The following ADK variants were observed in gnomAD, a reference collection of about 807,000 sequenced individuals.
ADK encodes N6,N6-dimethyladenosine kinase.
Under a neutral mutation model 44.7 loss-of-function variants are expected in ADK, and 24 were observed. The observed-to-expected ratio is 0.54, with a 90% CI of 0.39 to 0.76. ADK has a LOEUF of 0.76. Ranked by LOEUF, ADK falls within the 30% of genes least tolerant of loss-of-function variation. ADK has a pLI of 0.00. For missense variants in ADK, 321 were observed against 425.1 expected (o/e 0.76, Z 2.15); for synonymous variants, 128 against 142.6 (o/e 0.90, Z 0.73).
chr10:74,405,013 T>G (rs1027795225), intron 6 of ADK, among the ~76,000 whole-genome samples: 2 of 152,220 alleles, frequency 1.3e-5, no homozygotes, highest in African/African-American at 4.8e-5. Flanking sequence ...CTGACCCTTT[T>G]ATGCCACTTG....
chr10:74,557,394 CA>C (rs1850297192), intron 7 of ADK, among the ~76,000 whole-genome samples: 1 of 152,044 alleles, frequency 6.6e-6, no homozygotes, highest in Admixed American at 6.6e-5. Flanking sequence ...TAATTTGCAA[CA>C]AAGTAGAATA....
At chr10:74,533,945 TA>T (rs1849371807) in intron 7 of ADK, among the ~76,000 whole-genome samples, 1 of 152,186 alleles carries the variant, frequency 6.6e-6, no homozygotes, top group African/African-American at 2.4e-5. Flanking sequence ...TACTCAACTA[TA>T]AAAGAATTGT....
chr10:74,345,650 A>G (rs540571433), intron 4 of ADK, among the ~76,000 whole-genome samples: 1 of 152,222 alleles, frequency 6.6e-6, no homozygotes, highest in South Asian at 2.1e-4. Context: ...TCTGTTAGTA[A>G]CTTTCTATCT....
At chr10:74,180,300 C>CG (rs1223983219) in intron 1 of ADK, among the ~76,000 whole-genome samples, 1 of 150,430 alleles carries the variant, frequency 6.6e-6, no homozygotes, top group Non-Finnish European at 1.5e-5. Flanking sequence ...TGCAGTGGCG[C>CG]GATCTCGGCT....
chr10:74,302,920 T>A (rs1223124028), intron 3 of ADK, among the ~76,000 whole-genome samples: 1 of 152,206 alleles, frequency 6.6e-6, no homozygotes, highest in Admixed American at 6.5e-5. Context: ...TTATTTTAAA[T>A]TCTGTGGGAA....
At chr10:74,512,206 T>G (rs562542652) in intron 6 of ADK, among the ~76,000 whole-genome samples, 1 of 152,266 alleles carries the variant, frequency 6.6e-6, no homozygotes, top group African/African-American at 2.4e-5. Flanking sequence ...TAGTATTTTG[T>G]TGTGGACTTT....
chr10:74,667,527 A>G (rs1444969762), intron 9 of ADK, among the ~76,000 whole-genome samples: 1 of 144,972 alleles, frequency 6.9e-6, no homozygotes, highest in East Asian at 2.5e-4. Context: ...TAAATAAGTC[A>G]TGATTTTTTT....
chr10:74,427,954 T>C (rs550257108), intron 6 of ADK, among the ~76,000 whole-genome samples: 2 of 152,188 alleles, frequency 1.3e-5, no homozygotes, highest in East Asian at 3.9e-4. Flanking sequence ...GTTTGTGGGG[T>C]TGGTTCCTTC....
intron 10 of ADK, among the ~76,000 whole-genome samples, chr10:74,694,146 C>CTTTTTTTTTTTTT (rs1266786094): frequency 1.7e-4 from 6 of 36,308 alleles, no homozygotes; most frequent in South Asian, 7.8e-4. Flanking sequence ...TTTTCAAACA[C>CTTTTTTTTTTTTT]ATTTTTTTTT....
At chr10:74,395,825 C>T (rs1289449293) in intron 5 of ADK, among the ~76,000 whole-genome samples, 1 of 152,124 alleles carries the variant, frequency 6.6e-6, no homozygotes, top group African/African-American at 2.4e-5. Flanking sequence ...TCGAGACCAG[C>T]CTGGCCAACA....
intron 3 of ADK, among the ~76,000 whole-genome samples, chr10:74,304,951 G>A (rs534783060): frequency 6.6e-6 from 1 of 152,212 alleles, no homozygotes; most frequent in Non-Finnish European, 1.5e-5. Context: ...GGTATTCATG[G>A]GGGATTGGTT....
At chr10:74,234,764 C>G (rs1245880134) in intron 3 of ADK, among the ~76,000 whole-genome samples, 1 of 151,962 alleles carries the variant, frequency 6.6e-6, no homozygotes, top group Non-Finnish European at 1.5e-5. Context: ...GATACTAGCT[C>G]CCTCTGTAGA....
intron 2 of ADK, among the ~76,000 whole-genome samples, chr10:74,217,694 C>G (rs947367800): frequency 2.0e-5 from 3 of 152,234 alleles, no homozygotes; most frequent in Non-Finnish European, 4.4e-5. Flanking sequence ...AACGATCAGA[C>G]AGCAGCATTC....
At chr10:74,504,669 T>C (rs1847986633) in intron 6 of ADK, among the ~76,000 whole-genome samples, 1 of 152,090 alleles carries the variant, frequency 6.6e-6, no homozygotes, top group African/African-American at 2.4e-5. Context: ...TCTCCACATG[T>C]TAAGGGAGGG....
intron 9 of ADK, among the ~76,000 whole-genome samples, chr10:74,669,351 C>T (rs764354199): frequency 2.6e-5 from 4 of 152,158 alleles, no homozygotes; most frequent in Admixed American, 6.5e-5. Context: ...TTCCAGCCCC[C>T]AATAAGAAGC....
At position 74,201,794 on chromosome 10, in the gene ADK, C is replaced by T. The variant is rs114177137; in HGVS notation, c.140+956C>T. Among the ~76,000 whole-genome samples the T allele has an allele frequency of 2.4e-3, 365 of 151,842 alleles. 1 individual carries two copies. Among genetic ancestry groups the T allele is most frequent in the African/African-American group, 7.7e-3 (318 of 41,364 alleles). ...TGGTCATCTTACAATGCATCTACCTCGGATAACGGGGGCACTACTATATGG... is the reference window on the plus strand; with the variant it reads ...TGGTCATCTTACAATGCATCTACCTTGGATAACGGGGGCACTACTATATGG... On this transcript the variant is annotated intron_variant, in intron 2 of 10. Transcript: ENST00000539909.
At chr10:74,578,366 TGAAG>T (rs945844978) in intron 7 of ADK, among the ~76,000 whole-genome samples, 1 of 152,204 alleles carries the variant, frequency 6.6e-6, no homozygotes, top group Admixed American at 6.5e-5. Context: ...TGCCAATGAA[TGAAG>T]GAAGTCCTGT....
chr10:74,626,979 TTTTA>T (rs1343250814), intron 9 of ADK, among the ~76,000 whole-genome samples: 2 of 152,246 alleles, frequency 1.3e-5, no homozygotes, highest in South Asian at 4.1e-4. Context: ...AGATTTATCA[TTTTA>T]TTTCTACCAT....
chr10:74,175,849 C>T (rs1320134564), intron 1 of ADK, among the ~76,000 whole-genome samples: 1 of 152,164 alleles, frequency 6.6e-6, no homozygotes. Context: ...TTTACTGATT[C>T]CCCCCTTTTC....
Sources: gnomAD v4.1 joint callset for allele counts (sites outside exome capture counted in the v4.1 genomes callset) on GRCh38, gnomAD v4.1.1 for gene constraint, MANE v1.5 for transcripts, NCBI Gene and HGNC (gene_info 2026-07-23, HGNC 2026-07-21) for gene names.